Variants in ERC1 observed in about 807,000 individuals in gnomAD.
The protein encoded by ERC1 is RAB6 interacting protein 2.
ERC1 carries 56 observed loss-of-function variants against 132.0 expected under a neutral mutation model. The ratio of observed to expected loss-of-function variants is 0.42; its 90% confidence interval spans 0.34 to 0.53. The LOEUF (loss-of-function observed/expected upper bound fraction) is 0.53. ERC1 is among the 20% of genes least tolerant of loss of function. The probability of loss-of-function intolerance (pLI) is 0.03; values close to 1 mark genes in which losing one functional copy is unlikely to be tolerated. For synonymous variants in ERC1, 478 were observed against 476.1 expected, an observed-to-expected ratio of 1.00 and a Z score of -0.05; for missense variants, 1,202 against 1,349.9, an observed-to-expected ratio of 0.89 and a Z score of 1.72.
intron 13 of ERC1, among the ~76,000 whole-genome samples, chr12:1,242,542 C>T (rs1304810774): frequency 1.3e-5 from 2 of 152,124 alleles, no homozygotes; most frequent in African/African-American, 4.8e-5. Context: ...AAAGTATTAG[C>T]AAATGCTCTT....
At chr12:1,044,835 G>T (rs1235119944) in intron 2 of ERC1, among the ~76,000 whole-genome samples, 1 of 152,104 alleles carries the variant, frequency 6.6e-6, no homozygotes, top group Non-Finnish European at 1.5e-5. Context: ...GGAACTTTGA[G>T]TAGAGTAATT....
intron 15 of ERC1, among the ~76,000 whole-genome samples, chr12:1,338,016 G>T (rs2083458072): frequency 6.6e-6 from 1 of 152,050 alleles, no homozygotes. Flanking sequence ...TATGTCTTGA[G>T]GATGTTCTTC....
chr12:1,016,580 G>T (rs1313590203), intron 1 of ERC1, among the ~76,000 whole-genome samples: 1 of 151,720 alleles, frequency 6.6e-6, no homozygotes. Context: ...GCGAGACTGG[G>T]GCTGTTTTTC....
chr12:1,182,948 T>C (rs1286452210), intron 10 of ERC1, among the ~76,000 whole-genome samples: 1 of 152,198 alleles, frequency 6.6e-6, no homozygotes, highest in Non-Finnish European at 1.5e-5. Context: ...TTTACAGGTA[T>C]CTGGCCGAAA....
At chr12:1,303,039 T>C (rs1240700114) in intron 15 of ERC1, among the ~76,000 whole-genome samples, 1 of 152,180 alleles carries the variant, frequency 6.6e-6, no homozygotes, top group Non-Finnish European at 1.5e-5. Flanking sequence ...AAAATGTGCA[T>C]ACTTTAAAAA....
Position 1,112,316 on chromosome 12 carries a change from T to G in ERC1, c.1401+18T>G. The G allele has an allele frequency of 6.3e-7, 1 of 1,592,772 alleles. No homozygotes were observed. Among genetic ancestry groups the G allele is most frequent in the South Asian group, 1.1e-5 (1 of 90,608 alleles). The stretch of plus-strand genomic sequence containing the variant: ...AGGCTGAGGTCTTTGCCGTAAGATT[T>G]ACCTCTTTGTGTGCAGTGGTCCCAC... On this transcript the variant is annotated intron_variant, in intron 6 of 18. Coordinates refer to ENST00000360905, the MANE Select transcript of ERC1 (RefSeq NM_178040.4).
chr12:1,345,198 T>TTTTTTTTTTTTA (rs1566640336), intron 15 of ERC1, among the ~76,000 whole-genome samples: 2 of 150,506 alleles, frequency 1.3e-5, no homozygotes, highest in African/African-American at 4.9e-5. Context: ...TTTTTTTTTT[T>TTTTTTTTTTTTA]GAGACGGAGT....
At position 1,294,851 on chromosome 12, in the gene ERC1, T is replaced by C. The variant is rs866547528; in HGVS notation, c.2780+4839T>C. Among the ~76,000 whole-genome samples the C allele has an allele frequency of 9.8e-5, 15 of 152,330 alleles. 1 individual carries two copies. The South Asian group carries it at 2.1e-3, about 21-fold the overall frequency. Reference sequence around the variant, plus strand: ...TTCCTTTCAGGACCATCTTTTTCATTGTTCTCCAGAGTGTACCTTATAGGT... The same window carrying C: ...TTCCTTTCAGGACCATCTTTTTCATCGTTCTCCAGAGTGTACCTTATAGGT... On this transcript the variant is annotated intron_variant, in intron 15 of 18. Transcript: ENST00000360905.
intron 16 of ERC1, 23 bp from the exon 17 acceptor site, chr12:1,408,126 C>T (rs1359806647): frequency 6.4e-7 from 1 of 1,557,972 alleles, no homozygotes; most frequent in Non-Finnish European, 8.9e-7. Flanking sequence ...TTAAATTTAA[C>T]CTTATGAATA....
chr12:1,476,013 C>G (rs1347417733), intron 18 of ERC1, among the ~76,000 whole-genome samples: 1 of 151,592 alleles, frequency 6.6e-6, no homozygotes, highest in Non-Finnish European at 1.5e-5. Flanking sequence ...CCTGTAATCC[C>G]AGCACTTTGG....
intron 12 of ERC1, among the ~76,000 whole-genome samples, chr12:1,208,624 G>A (rs977603531): frequency 1.6e-4 from 25 of 152,186 alleles, no homozygotes; most frequent in African/African-American, 4.6e-4. Context: ...GAAGCAGAAT[G>A]TGTGGTCTTG....
chr12:1,260,890 T>C (rs1275268870), intron 13 of ERC1, among the ~76,000 whole-genome samples: 1 of 152,218 alleles, frequency 6.6e-6, no homozygotes, highest in Non-Finnish European at 1.5e-5. Flanking sequence ...TGGCTTTTGT[T>C]TTTCATCCTT....
At chr12:1,458,805 G>T (rs1340558032) in intron 18 of ERC1, among the ~76,000 whole-genome samples, 1 of 152,172 alleles carries the variant, frequency 6.6e-6, no homozygotes, top group Non-Finnish European at 1.5e-5. Context: ...CCCAAAGCAT[G>T]TATGTATTTT....
intron 15 of ERC1, among the ~76,000 whole-genome samples, chr12:1,351,869 C>G (rs1303692130): frequency 6.6e-6 from 1 of 151,988 alleles, no homozygotes; most frequent in African/African-American, 2.4e-5. Flanking sequence ...CAAGTATTTT[C>G]TCCCATTCTG....
At chr12:1,211,067 A>G (rs1270217264) in intron 12 of ERC1, among the ~76,000 whole-genome samples, 1 of 152,192 alleles carries the variant, frequency 6.6e-6, no homozygotes, top group Non-Finnish European at 1.5e-5. Flanking sequence ...CTATATTCAA[A>G]AATCACTTAA....
rs369328708 is a variant in ERC1 at position 1,141,604 on chromosome 12, A to C, written c.1570-16A>C. 252 of 1,585,758 alleles carry C rather than the reference A, an allele frequency of 1.6e-4. 1 individual carries two copies. Among genetic ancestry groups the C allele is most frequent in the Non-Finnish European group, 2.1e-4 (247 of 1,167,114 alleles). ...TTCTTTTTAATTCATCACTTGTAAAACTCCTACATTCTTAGGTGGATGCTC... is the reference window on the plus strand; with the variant it reads ...TTCTTTTTAATTCATCACTTGTAAACCTCCTACATTCTTAGGTGGATGCTC... On this transcript the variant is annotated splice_polypyrimidine_tract_variant and intron_variant, in intron 7 of 18. Transcript: ENST00000360905.
chr12:1,160,338 G>C lies in ERC1; in HGVS notation c.1737+18551G>C, dbSNP rs926063759. 3.3e-5 allele frequency among the ~76,000 whole-genome samples: 5 copies of C among 152,130 alleles called. No homozygotes were observed. In the East Asian group the frequency reaches 7.7e-4, roughly 23 times the overall value. ...ATTCTAAAAGCTTTTTTTGTTGCCT[G>C]TAGAATTTTTTTTTGTAAGCTCACT... On this transcript the variant is annotated intron_variant, in intron 8 of 18. Transcript: ENST00000360905.
At chr12:1,490,047 A>G in intron 18 of ERC1, 46 bp from the exon 19 acceptor site, 1 of 1,598,150 alleles carries the variant, frequency 6.3e-7, no homozygotes, top group South Asian at 1.1e-5. Context: ...AGCTCAGTGC[A>G]AATGGGATTG....
intron 2 of ERC1, among the ~76,000 whole-genome samples, chr12:1,076,501 TCTC>T (rs1941374842): frequency 6.6e-6 from 1 of 151,822 alleles, no homozygotes; most frequent in African/African-American, 2.4e-5. Flanking sequence ...TTCTAGCAAT[TCTC>T]CTGCCTCAGC....
Sources: gnomAD v4.1 joint callset for allele counts (sites outside exome capture counted in the v4.1 genomes callset) on GRCh38, gnomAD v4.1.1 for gene constraint, MANE v1.5 for transcripts, NCBI Gene and HGNC (gene_info 2026-07-23, HGNC 2026-07-21) for gene names.